CLDND2: variants seen among roughly 807,000 people sequenced by gnomAD.
CLDND2 encodes claudin domain containing 2, also known as claudin domain-containing protein 2.
Under a neutral mutation model 17.7 loss-of-function variants are expected in CLDND2, and 18 were observed. That is an observed-to-expected ratio of 1.02 (90% CI 0.70 to 1.51). The LOEUF is 1.51. Among genes scored for constraint, CLDND2 ranks in the 40% most tolerant of loss-of-function variants. The pLI is 0.00. For synonymous variants in CLDND2, 113 were observed against 93.0 expected (o/e 1.22, Z -1.24); for missense variants, 233 against 219.6 (o/e 1.06, Z -0.39).
Position 51,367,930 on chromosome 19 carries a change from T to C in CLDND2, c.266A>G (p.Glu89Gly). ...GCTCGTGGTCTGGCCCCGCAGCGAC[T>C]CGCCCTCGTCGCACCGAATCCGCAG... ...MGLRIRCDEG[E>G]SLRGQTTSAF... The change falls in exon 2 of 4, where the codon GAG becomes GGG. Residue 89 changes from glutamate to glycine, a missense_variant. Physicochemically the swap from Glu to Gly is moderately conservative, Grantham distance 98 (BLOSUM62 -2). Transcript: ENST00000291715. The surrounding 1 kb of genome is among the most constrained non-coding windows in gnomAD (Gnocchi z 7.4). 2 of 1,612,826 alleles carry C rather than the reference T, an allele frequency of 1.2e-6. No homozygotes were observed. Among genetic ancestry groups the C allele is most frequent in the Non-Finnish European group, 1.7e-6 (2 of 1,179,704 alleles).
rs1292709796 is a variant in CLDND2 at position 51,368,984 on chromosome 19, G to A, written c.-407C>T. ...ACACCCAGTGCCCTAGGGCTCCTTAGACACAGAGCCCAGAGAGACGGGGGG... is the reference window on the plus strand; with the variant it reads ...ACACCCAGTGCCCTAGGGCTCCTTAAACACAGAGCCCAGAGAGACGGGGGG... On this transcript the variant is annotated 5_prime_UTR_variant, in exon 1 of 4. Coordinates refer to ENST00000291715, the MANE Select transcript of CLDND2 (RefSeq NM_152353.3). 6.2e-6 allele frequency: 1 copy of A among 161,248 alleles called. No individual in the cohort carries two copies. Among genetic ancestry groups the A allele is most frequent in the Non-Finnish European group, 1.4e-5 (1 of 73,894 alleles). The allele number at this position is 161,248 out of a possible 1,614,324, so 10.0% of individuals were successfully genotyped here.
chr19:51,367,902 G>A lies in CLDND2; in HGVS notation c.294C>T (p.Ala98=), dbSNP rs1469070489. The A allele has an allele frequency of 5.0e-6, 8 of 1,611,846 alleles. No homozygotes were observed. In the Admixed American group the frequency reaches 1.3e-4, roughly 27 times the overall value. The change falls in exon 2 of 4, where the codon GCC becomes GCT. Residue 98 remains alanine, a synonymous_variant. Transcript: ENST00000291715. The surrounding 1 kb of genome is among the most constrained non-coding windows in gnomAD (Gnocchi z 7.4). The part of the protein sequence containing the change: ...GESLRGQTTS[A]FLFLGGLLLL... The stretch of plus-strand genomic sequence containing the variant: ...CAGTCTCACCGCCGAGGAAGAGGAA[G>A]GCGCTCGTGGTCTGGCCCCGCAGCG...
chr19:51,368,283 C>T, intron 1 of CLDND2, 126 bp downstream of exon 1: 2 of 1,236,632 alleles, frequency 1.6e-6, no homozygotes, highest in Non-Finnish European at 2.2e-6. Context: ...CGGCCTCGGC[C>T]GACAAGGGAC....
chr19:51,367,662 T>C lies in CLDND2; in HGVS notation c.311-86A>G, dbSNP rs1986463757. The C allele has an allele frequency of 4.6e-6, 7 of 1,526,656 alleles. No individual in the cohort carries two copies. The highest frequency in any genetic ancestry group is 2.4e-5 in the East Asian group (1 of 41,134). The allele number at this position is 1,526,656 out of a possible 1,614,324, so 94.6% of individuals were successfully genotyped here. ...ACGCCCCTTCAGACCCGCCCCCTTCTATCAGACCACGCCTATCGCCTCTCA... is the reference window on the plus strand; with the variant it reads ...ACGCCCCTTCAGACCCGCCCCCTTCCATCAGACCACGCCTATCGCCTCTCA... On this transcript the variant is annotated intron_variant, in intron 2 of 3. Coordinates refer to ENST00000291715, the MANE Select transcript of CLDND2 (RefSeq NM_152353.3). This position sits in a 1 kb window ranked among gnomAD's most constrained non-coding sequence, Gnocchi z 7.4.
At position 51,368,438 on chromosome 19, in the gene CLDND2, T is replaced by G; in HGVS notation, c.140A>C (p.His47Pro). 1 of 1,613,718 alleles carries G rather than the reference T, an allele frequency of 6.2e-7. No individual in the cohort carries two copies. Among genetic ancestry groups the G allele is most frequent in the Non-Finnish European group, 8.5e-7 (1 of 1,179,942 alleles). The change falls in exon 1 of 4, where the codon CAC becomes CCC. Residue 47 changes from histidine to proline, a missense_variant. Transcript: ENST00000291715. ...GCAGGGGATGCTGGAGCAGATGCCG[T>G]GGTTGCATTCCTGCCACAGGCCACT... is the stretch of plus-strand genomic sequence containing the variant. ...GHSGLWQECN[H>P]GICSSIPCQT...
rs760657397 is a variant in CLDND2 at position 51,368,006 on chromosome 19, CCA to C, written c.188_189del (p.Val63GlyfsTer?). On this transcript the variant is annotated frameshift_variant, in exon 2 of 4. Transcript: ENST00000291715. LOFTEE classifies it high-confidence loss of function. ...ACACCCACCGCCAGCACCATGCACG[CCA>C]CAGTCACCGCCAGCGTGGCTGGGGA... ...IPCQTTLAVT[V>X]ACMVLAVGVG... 9.3e-6 allele frequency: 15 copies of C among 1,611,306 alleles called. No individual in the cohort carries two copies. In the East Asian group the frequency reaches 2.7e-4, roughly 29 times the overall value.
In CLDND2 at chr19:51,368,484, TCCAGTAGTTGGTGG is replaced by T. The variant is rs1286962093; in HGVS notation, c.80_93del (p.Ala27AspfsTer?). On this transcript the variant is annotated frameshift_variant, in exon 1 of 4. Coordinates refer to ENST00000291715, the MANE Select transcript of CLDND2 (RefSeq NM_152353.3). LOFTEE classifies it high-confidence loss of function. ...CCACTGTGGCCCTCTTGTTGGCGGG[TCCAGTAGTTGGTGG>T]CCGTGGAGAGCACCATGAGGACGTT... The T allele has an allele frequency of 2.5e-6, 4 of 1,613,858 alleles. No individual in the cohort carries two copies. In the African/African-American group the frequency reaches 4.0e-5, roughly 16 times the overall value.
rs1599851754 is a variant in CLDND2, at chr19:51,367,612, G to A, written c.311-36C>T. On this transcript the variant is annotated intron_variant, in intron 2 of 3. Transcript: ENST00000291715. This position sits in a 1 kb window ranked among gnomAD's most constrained non-coding sequence, Gnocchi z 7.4. Reference sequence around the variant, plus strand: ...CCCAGCCGCAAGATGAGCTAGCTGGGCCTGGTGGGGGCTGCACCCAGGCCA... The same window carrying A: ...CCCAGCCGCAAGATGAGCTAGCTGGACCTGGTGGGGGCTGCACCCAGGCCA... 6.3e-7 allele frequency: 1 copy of A among 1,597,314 alleles called. No individual in the cohort carries two copies. Among genetic ancestry groups the A allele is most frequent in the South Asian group, 1.1e-5 (1 of 88,986 alleles).
chr19:51,368,002 C>A lies in CLDND2; in HGVS notation c.194G>T (p.Cys65Phe). 6.2e-7 allele frequency: 1 copy of A among 1,611,582 alleles called. No homozygotes were observed. The highest frequency in any genetic ancestry group is 8.5e-7 in the Non-Finnish European group (1 of 1,179,046). The change falls in exon 2 of 4, where the codon TGC (cysteine) becomes TTC (phenylalanine). Residue 65 changes from cysteine to phenylalanine, a missense_variant. Physicochemically the swap from Cys to Phe is radical, Grantham distance 205 (BLOSUM62 -2). Coordinates refer to ENST00000291715, the MANE Select transcript of CLDND2 (RefSeq NM_152353.3). Reference sequence around the variant, plus strand: ...GCCGACACCCACCGCCAGCACCATGCACGCCACAGTCACCGCCAGCGTGGC... The same window carrying A: ...GCCGACACCCACCGCCAGCACCATGAACGCCACAGTCACCGCCAGCGTGGC... ...CQTTLAVTVA[C>F]MVLAVGVGVV...
Position 51,367,223 on chromosome 19 carries a change from G to A in CLDND2, c.431-8C>T, listed in dbSNP as rs142279589. ...CCAGCAGAAAGCAGAAGCCTGGGGG[G>A]ACGGGGGTGCGGAGCAGGGAGAGGA... On this transcript the variant is annotated splice_polypyrimidine_tract_variant and splice_region_variant and intron_variant, in intron 3 of 3. Coordinates refer to ENST00000291715, the MANE Select transcript of CLDND2 (RefSeq NM_152353.3). This position sits in a 1 kb window ranked among gnomAD's most constrained non-coding sequence, Gnocchi z 7.4. 342 of 1,614,084 alleles carry A rather than the reference G, an allele frequency of 2.1e-4. No homozygotes were observed. The African/African-American group carries it at 3.8e-3, about 18-fold the overall frequency.
Position 51,367,775 on chromosome 19 carries a change from C to A in CLDND2, c.310+111G>T. The A allele has an allele frequency of 6.7e-7, 1 of 1,492,840 alleles. No individual in the cohort carries two copies. Among genetic ancestry groups the A allele is most frequent in the Non-Finnish European group, 8.9e-7 (1 of 1,124,856 alleles). 92.5% of individuals were successfully genotyped at this position (1,492,840 alleles called of 1,614,324 possible). A position where few individuals can be genotyped will look rare whatever the true frequency, so the allele number is the denominator to read the frequency against. Reference sequence around the variant, plus strand: ...CCACCTCTCTCGGCTTCTTCCAGCCCTGCCCCTCGGATCCTGGCCGAGTAC... The same window carrying A: ...CCACCTCTCTCGGCTTCTTCCAGCCATGCCCCTCGGATCCTGGCCGAGTAC... On this transcript the variant is annotated intron_variant, in intron 2 of 3. Transcript: ENST00000291715. The surrounding 1 kb of genome is among the most constrained non-coding windows in gnomAD (Gnocchi z 7.4).
In CLDND2 at chr19:51,367,894, A is replaced by T; in HGVS notation, c.302T>A (p.Phe101Tyr). Residue 101 changes from phenylalanine to tyrosine, a missense_variant, in exon 2 of 4, where the codon TTC (phenylalanine) becomes TAC (tyrosine). Phe to Tyr is a conservative substitution (Grantham distance 22, BLOSUM62 3). Transcript: ENST00000291715. This position sits in a 1 kb window ranked among gnomAD's most constrained non-coding sequence, Gnocchi z 7.4. ...LRGQTTSAFL[F>Y]LGGLLLLTAL... ...GCGGTCTGCAGTCTCACCGCCGAGGAAGAGGAAGGCGCTCGTGGTCTGGCC... is the reference window on the plus strand; with the variant it reads ...GCGGTCTGCAGTCTCACCGCCGAGGTAGAGGAAGGCGCTCGTGGTCTGGCC... The T allele has an allele frequency of 6.2e-7, 1 of 1,611,360 alleles. No homozygotes were observed. Among genetic ancestry groups the T allele is most frequent in the Non-Finnish European group, 8.5e-7 (1 of 1,179,702 alleles).
At position 51,367,554 on chromosome 19, in the gene CLDND2, C is replaced by A; in HGVS notation, c.333G>T (p.Leu111Phe). 6.2e-7 allele frequency: 1 copy of A among 1,612,062 alleles called. No homozygotes were observed. The highest frequency in any genetic ancestry group is 8.5e-7 in the Non-Finnish European group (1 of 1,179,148). The change falls in exon 3 of 4, where the codon TTG becomes TTT. Residue 111 changes from leucine (L) to phenylalanine (F), a missense_variant. By Grantham distance (22) the Leu-to-Phe change is conservative (BLOSUM62 0). Transcript: ENST00000291715. The surrounding 1 kb of genome is among the most constrained non-coding windows in gnomAD (Gnocchi z 7.4). ...FLGGLLLLTA[L>F]IGYTVKNAWK... The stretch of plus-strand genomic sequence containing the variant: ...ACGCATTCTTCACGGTGTAGCCTAT[C>A]AAGGCGGTCAGCAGCAGCAGTCCTG...
rs1331082939 is a variant in CLDND2, at chr19:51,367,510, A to T, written c.377T>A (p.Phe126Tyr). 1.9e-6 allele frequency: 3 copies of T among 1,609,874 alleles called. No individual in the cohort carries two copies. Among genetic ancestry groups the T allele is most frequent in the Admixed American group, 3.4e-5 (2 of 59,522 alleles). Residue 126 changes from phenylalanine to tyrosine, a missense_variant, in exon 3 of 4, where the codon TTC (phenylalanine) becomes TAC (tyrosine). Phe to Tyr is a conservative substitution (Grantham distance 22, BLOSUM62 3). Transcript: ENST00000291715. This position sits in a 1 kb window ranked among gnomAD's most constrained non-coding sequence, Gnocchi z 7.4. ...CCACCCAGAAAAATAGGACCAAGAG[A>T]AGAAGACGTTGTTCTTCCACGCATT... ...VKNAWKNNVF[F>Y]SWSYFSGWLA...
downstream of CLDND2, chr19:51,367,025 G>A: frequency 1.1e-6 from 1 of 905,092 alleles, no homozygotes; most frequent in Non-Finnish European, 1.8e-6. This position sits in a 1 kb window ranked among gnomAD's most constrained non-coding sequence, Gnocchi z 7.4. Context: ...ATGTCCTTAT[G>A]TCTTCCCTGA....
chr19:51,366,789 C>T (rs1986398825), downstream of CLDND2, among the ~76,000 whole-genome samples: 1 of 152,006 alleles, frequency 6.6e-6, no homozygotes, highest in Non-Finnish European at 1.5e-5. Flanking sequence ...TCGGTCTCTC[C>T]ACTCTCTCCA....
intron 1 of CLDND2, 34 bp from the exon 2 acceptor site, chr19:51,368,060 GC>G: frequency 6.4e-7 from 1 of 1,566,142 alleles, no homozygotes; most frequent in Non-Finnish European, 8.6e-7. Flanking sequence ...CCCCGCGGGC[GC>G]CGCCCCAGTC....
At chr19:51,368,186 G>T in intron 1 of CLDND2, 160 bp from the exon 2 acceptor site, 1 of 905,914 alleles carries the variant, frequency 1.1e-6, no homozygotes, top group Non-Finnish European at 1.6e-6. Context: ...AGACTTGGAG[G>T]TCACATCAGG....
chr19:51,367,194 T>A lies in CLDND2; in HGVS notation c.452A>T (p.Asp151Val), dbSNP rs751539630. The A allele has an allele frequency of 6.2e-7, 1 of 1,614,076 alleles. No individual in the cohort carries two copies. The highest frequency in any genetic ancestry group is 8.5e-7 in the Non-Finnish European group (1 of 1,180,042). Reference sequence around the variant, plus strand: ...GGCGTCGGTGCTCTGCATGATCATGTCTGCCAGCAGAAAGCAGAAGCCTGG... The same window carrying A: ...GGCGTCGGTGCTCTGCATGATCATGACTGCCAGCAGAAAGCAGAAGCCTGG... The part of the protein sequence containing the change: ...ILAGFCFLLA[D>V]MIMQSTDAIS... The change falls in exon 4 of 4, where the codon GAC (aspartate) becomes GTC (valine). Residue 151 changes from aspartate to valine, a missense_variant. Coordinates refer to ENST00000291715, the MANE Select transcript of CLDND2 (RefSeq NM_152353.3). This position sits in a 1 kb window ranked among gnomAD's most constrained non-coding sequence, Gnocchi z 7.4.
Sources: allele counts gnomAD v4.1 joint callset (sites outside exome capture counted in the v4.1 genomes callset), GRCh38; gene constraint gnomAD v4.1.1; non-coding constraint Gnocchi (gnomAD v3.1); transcripts MANE v1.5; gene names NCBI Gene and HGNC (gene_info 2026-07-23, HGNC 2026-07-21).